CENPA: variants seen among roughly 807,000 people sequenced by gnomAD.
CENPA encodes the protein histone H3-like centromeric protein A.
In CENPA, 7 loss-of-function variants were observed where a neutral mutation model predicts 17.2. The ratio of observed to expected loss-of-function variants is 0.41; its 90% confidence interval spans 0.23 to 0.76. The LOEUF (loss-of-function observed/expected upper bound fraction) is 0.76, where lower values mean the gene tolerates loss of function less well. Among genes scored for constraint, CENPA ranks in the 30% least tolerant of loss-of-function variants. The pLI is 0.34. For missense variants in CENPA, 149 were observed against 193.1 expected (o/e 0.77, Z 1.35); for synonymous variants, 82 against 77.4 (o/e 1.06, Z -0.31).
At chr2:26,788,938 G>T (rs1164546553) in intron 1 of CENPA, among the ~76,000 whole-genome samples, 1 of 152,216 alleles carries the variant, frequency 6.6e-6, no homozygotes, top group African/African-American at 2.4e-5. Flanking sequence ...GCCTCCCAGA[G>T]TGCTGGGATT....
At chr2:26,789,253 G>T (rs949248965) in intron 1 of CENPA, among the ~76,000 whole-genome samples, 6 of 152,010 alleles carry the variant, frequency 3.9e-5, no homozygotes, top group African/African-American at 1.4e-4. Flanking sequence ...CCAGTAGGTG[G>T]GTCTGTGTTC....
intron 3 of CENPA, 96 bp from the exon 4 acceptor site, chr2:26,793,049 C>A: frequency 6.6e-7 from 1 of 1,507,902 alleles, no homozygotes; most frequent in South Asian, 1.2e-5. Context: ...TTCCTACAAT[C>A]CTTTGAGCCC....
Position 26,792,243 on chromosome 2 carries a change from A to C in CENPA, c.210+3A>C. The C allele has an allele frequency of 6.2e-7, 1 of 1,611,276 alleles. No individual in the cohort carries two copies. The highest frequency in any genetic ancestry group is 8.5e-7 in the Non-Finnish European group (1 of 1,178,544). ...GGAAGCTGCCCTTCAGCCGCCTGGT[A>C]AGCTCCGGGAGCTTCCCACCAACCC... On this transcript the variant is annotated splice_donor_region_variant and intron_variant, in intron 2 of 4. Coordinates refer to ENST00000335756, the MANE Select transcript of CENPA (RefSeq NM_001809.4).
In CENPA at chr2:26,793,273, C is replaced by T. The variant is rs548629129; in HGVS notation, c.417C>T (p.Leu139=). The T allele has an allele frequency of 3.3e-5, 54 of 1,613,860 alleles. No homozygotes were observed. The South Asian group carries it at 5.4e-4, about 16-fold the overall frequency. Residue 139 remains leucine (L), a synonymous_variant, in exon 4 of 5, where the codon CTC becomes CTT. Transcript: ENST00000335756. ...GGATCCGGGGCCTTGAGGAGGGACT[C>T]GGCTGAGCTCCTGCACCCAGTGTTT... The part of the protein sequence containing the change: ...ARRIRGLEEG[L]G
At chr2:26,786,714 C>T (rs1572639497) in intron 1 of CENPA, among the ~76,000 whole-genome samples, 1 of 152,386 alleles carries the variant, frequency 6.6e-6, no homozygotes, top group East Asian at 1.9e-4. Context: ...GATTTCCAAT[C>T]CTCTGTGTTT....
chr2:26,791,735 T>C (rs1036293394), intron 1 of CENPA, among the ~76,000 whole-genome samples: 3 of 152,190 alleles, frequency 2.0e-5, no homozygotes, highest in Non-Finnish European at 4.4e-5. Context: ...ATCTAAGACT[T>C]GTACAAAGTC....
chr2:26,790,887 C>A (rs1469500216), intron 1 of CENPA, among the ~76,000 whole-genome samples: 1 of 152,242 alleles, frequency 6.6e-6, no homozygotes, highest in South Asian at 2.1e-4. Context: ...TCTAACACTT[C>A]GTGATTAGTT....
Position 26,793,874 on chromosome 2 carries a change from G to A in CENPA, c.*110G>A, listed in dbSNP as rs1404202695. ...CCAATGGATTCTGCGATGCTGTCTGGACTTTGCTGTCTCTGAACAGTATGT... is the reference window on the plus strand; with the variant it reads ...CCAATGGATTCTGCGATGCTGTCTGAACTTTGCTGTCTCTGAACAGTATGT... On this transcript the variant is annotated 3_prime_UTR_variant, in exon 5 of 5. Coordinates refer to ENST00000335756, the MANE Select transcript of CENPA (RefSeq NM_001809.4). 6.6e-6 allele frequency: 1 copy of A among 152,356 alleles called. No individual in the cohort carries two copies. The highest frequency in any genetic ancestry group is 1.5e-5 in the Non-Finnish European group (1 of 68,178). The allele number at this position is 152,356 out of a possible 1,614,324, so 9.4% of individuals were successfully genotyped here.
intron 3 of CENPA, 23 bp downstream of exon 3, chr2:26,792,856 T>G: frequency 6.2e-7 from 1 of 1,608,182 alleles, no homozygotes; most frequent in Non-Finnish European, 8.5e-7. Flanking sequence ...CAAGGCACAA[T>G]TGGGTGAGGG....
At chr2:26,792,274 C>T (rs754912844) in intron 2 of CENPA, 34 bp downstream of exon 2, 12 of 1,459,410 alleles carry the variant, frequency 8.2e-6, no homozygotes, top group Non-Finnish European at 1.1e-5. Context: ...AACCCCTATG[C>T]CACCCTCCTT....
At chr2:26,790,189 C>T (rs6716283) in intron 1 of CENPA, among the ~76,000 whole-genome samples, 112,855 of 152,086 alleles carry the variant, frequency 0.74, 42,217 homozygotes, top group Admixed American at 0.77. Context: ...CTGGTATTGG[C>T]TATTTTGTTT....
intron 1 of CENPA, among the ~76,000 whole-genome samples, chr2:26,791,823 G>A (rs145089579): frequency 6.6e-6 from 1 of 152,340 alleles, no homozygotes; most frequent in East Asian, 1.9e-4. Context: ...GGAAGAGTTA[G>A]CATTTAAAAT....
rs920832619 is a variant in CENPA at position 26,794,569 on chromosome 2, A to C, written c.*805A>C. ...AGTTTCTTTGTAGAGAGATAATAAA[A>C]ATCAAAATATTTAATGAAAATGGAC... On this transcript the variant is annotated 3_prime_UTR_variant, in exon 5 of 5. Coordinates refer to ENST00000335756, the MANE Select transcript of CENPA (RefSeq NM_001809.4). 3 of 152,234 alleles carry C rather than the reference A, an allele frequency of 2.0e-5. No homozygotes were observed. Among genetic ancestry groups the C allele is most frequent in the African/African-American group, 7.2e-5 (3 of 41,448 alleles). The allele number at this position is 152,234 out of a possible 1,614,324, so 9.4% of individuals were successfully genotyped here. A position where few individuals can be genotyped will look rare whatever the true frequency, so the allele number is the denominator to read the frequency against.
intron 4 of CENPA, 128 bp downstream of exon 4, chr2:26,793,454 C>A: frequency 1.4e-6 from 1 of 727,026 alleles, no homozygotes; most frequent in Non-Finnish European, 2.2e-6. Context: ...TTTTGACTGC[C>A]TGGGACAATG....
chr2:26,786,619 C>G (rs1034979723), intron 1 of CENPA, among the ~76,000 whole-genome samples: 12 of 152,248 alleles, frequency 7.9e-5, no homozygotes, highest in African/African-American at 2.9e-4. Flanking sequence ...TCATATTGTG[C>G]CCATTTTACA....
intron 1 of CENPA, among the ~76,000 whole-genome samples, chr2:26,787,272 G>A (rs561639990): frequency 6.6e-6 from 1 of 152,288 alleles, no homozygotes; most frequent in Admixed American, 6.5e-5. Context: ...CTGGAGTGCA[G>A]TGGCGCGATC....
Position 26,793,211 on chromosome 2 carries a change from G to A in CENPA, c.355G>A (p.Val119Ile), listed in dbSNP as rs1212787495. ...AYLLTLHAGR[V>I]TLFPKDVQLA... ...TCTCCTCACCTTACATGCAGGCCGA[G>A]TTACTCTCTTCCCAAAGGATGTGCA... Residue 119 changes from valine (V) to isoleucine (I), a missense_variant, in exon 4 of 5, where the codon GTT (valine) becomes ATT (isoleucine). Physicochemically the swap from Val to Ile is conservative, Grantham distance 29 (BLOSUM62 3). Coordinates refer to ENST00000335756, the MANE Select transcript of CENPA (RefSeq NM_001809.4). 1.2e-6 allele frequency: 2 copies of A among 1,614,052 alleles called. No individual in the cohort carries two copies. Among genetic ancestry groups the A allele is most frequent in the African/African-American group, 2.7e-5 (2 of 74,918 alleles).
chr2:26,787,688 G>A (rs918053756), intron 1 of CENPA, among the ~76,000 whole-genome samples: 1 of 152,076 alleles, frequency 6.6e-6, no homozygotes, highest in African/African-American at 2.4e-5. Context: ...CTAATTTTTT[G>A]TATTTTTAGT....
At chr2:26,791,595 C>G (rs1467017469) in intron 1 of CENPA, among the ~76,000 whole-genome samples, 6 of 152,202 alleles carry the variant, frequency 3.9e-5, no homozygotes, top group Non-Finnish European at 5.9e-5. Context: ...ACCATCTTCA[C>G]CTCGCTGGGC....
Sources: gnomAD v4.1 joint callset for allele counts (sites outside exome capture counted in the v4.1 genomes callset) on GRCh38, gnomAD v4.1.1 for gene constraint, MANE v1.5 for transcripts, NCBI Gene and HGNC (gene_info 2026-07-23, HGNC 2026-07-21) for gene names.